LRRC4C: variants seen among roughly 807,000 people sequenced by gnomAD.
LRRC4C encodes the protein leucine rich repeat containing 4C, also known as leucine-rich repeat-containing protein 4C.
A neutral mutation model predicts 33.6 loss-of-function variants in LRRC4C; 5 were observed. The ratio of observed to expected loss-of-function variants is 0.15; its 90% confidence interval spans 0.08 to 0.31. The LOEUF (loss-of-function observed/expected upper bound fraction) is 0.31, where lower values mean the gene tolerates loss of function less well. LRRC4C is among the 10% of genes least tolerant of loss of function. LRRC4C has a pLI of 1.00. For synonymous variants in LRRC4C, 329 were observed against 302.0 expected (o/e 1.09, Z -0.93); for missense variants, 560 against 796.7 (o/e 0.70, Z 3.58).
At chr11:40,141,763 C>A (rs1007091551) in intron 5 of LRRC4C, among the ~76,000 whole-genome samples, 5 of 152,172 alleles carry the variant, frequency 3.3e-5, no homozygotes, top group African/African-American at 1.2e-4. Context: ...CTGACTCCAA[C>A]AAGAAGTTGT....
chr11:40,229,445 G>A (rs1034017649), intron 5 of LRRC4C, among the ~76,000 whole-genome samples: 18 of 151,840 alleles, frequency 1.2e-4, no homozygotes, highest in African/African-American at 4.4e-4. Context: ...GCTAATTTTT[G>A]TATTTTTAGT....
chr11:40,500,985 G>C (rs1954737773), intron 3 of LRRC4C, among the ~76,000 whole-genome samples: 1 of 152,130 alleles, frequency 6.6e-6, no homozygotes, highest in Non-Finnish European at 1.5e-5. Flanking sequence ...ACAGGCATTG[G>C]GTAAATACAG....
intron 3 of LRRC4C, among the ~76,000 whole-genome samples, chr11:40,570,007 A>C (rs2135558083): frequency 6.6e-6 from 1 of 152,072 alleles, no homozygotes; most frequent in South Asian, 2.1e-4. Context: ...CAAAAATAAT[A>C]TATATTTACA....
intron 1 of LRRC4C, among the ~76,000 whole-genome samples, chr11:41,166,337 G>A (rs2136066229): frequency 6.6e-6 from 1 of 152,218 alleles, no homozygotes; most frequent in South Asian, 2.1e-4. Context: ...TTCAGTACAA[G>A]CAAATGCCTG....
rs114537677 is a variant in LRRC4C at position 40,959,215 on chromosome 11, G to T, written c.-495-25492C>A. 6.6e-3 allele frequency among the ~76,000 whole-genome samples: 1,005 copies of T among 151,704 alleles called. 15 individuals are homozygous for T. Among genetic ancestry groups the T allele is most frequent in the African/African-American group, 0.023 (960 of 41,440 alleles). The stretch of plus-strand genomic sequence containing the variant: ...GATTAGGTGAGCTCATTGCAGTTAA[G>T]TATACCATCAATAAAGAAACAGAAC... On this transcript the variant is annotated intron_variant, in intron 1 of 6. Coordinates refer to ENST00000528697, the MANE Select transcript of LRRC4C (RefSeq NM_001258419.2).
chr11:41,244,179 AT>A (rs951919973), intron 1 of LRRC4C, among the ~76,000 whole-genome samples: 45 of 150,992 alleles, frequency 3.0e-4, no homozygotes, highest in Admixed American at 2.7e-3. Context: ...TTCTCTATCT[AT>A]CTATCTATCT....
intron 1 of LRRC4C, among the ~76,000 whole-genome samples, chr11:41,319,444 G>C (rs902901208): frequency 6.6e-6 from 1 of 152,142 alleles, no homozygotes; most frequent in Non-Finnish European, 1.5e-5. Context: ...TCCAGAATGA[G>C]ACAACAAGTT....
chr11:41,304,607 G>A (rs1456645448), intron 1 of LRRC4C, among the ~76,000 whole-genome samples: 3 of 100,440 alleles, frequency 3.0e-5, no homozygotes, highest in Admixed American at 1.0e-4. Context: ...CAGCCGCCCC[G>A]TCTGGGAGGG....
intron 2 of LRRC4C, among the ~76,000 whole-genome samples, chr11:40,806,834 G>A (rs918927587): frequency 6.6e-6 from 1 of 152,042 alleles, no homozygotes; most frequent in African/African-American, 2.4e-5. Context: ...AGGAAGAAAG[G>A]CATATTCCTG....
intron 3 of LRRC4C, among the ~76,000 whole-genome samples, chr11:40,596,351 G>A (rs1350876244): frequency 6.6e-6 from 1 of 151,876 alleles, no homozygotes; most frequent in East Asian, 1.9e-4. Context: ...TATTTATGGA[G>A]TACACATGAC....
rs532429658 is a variant in LRRC4C, at chr11:40,416,828, A to G, written c.-269-97107T>C. 2.6e-5 allele frequency among the ~76,000 whole-genome samples: 4 copies of G among 152,330 alleles called. No homozygotes were observed. In the South Asian group the frequency reaches 8.3e-4, roughly 32 times the overall value. ...AACAGGAACTAGACTGTAAACCCCAATAGGGAAGGAATCTGCTTAATGTGC... is the reference window on the plus strand; with the variant it reads ...AACAGGAACTAGACTGTAAACCCCAGTAGGGAAGGAATCTGCTTAATGTGC... On this transcript the variant is annotated intron_variant, in intron 3 of 6. Coordinates refer to ENST00000528697, the MANE Select transcript of LRRC4C (RefSeq NM_001258419.2).
chr11:41,028,900 G>C (rs1856551909), intron 1 of LRRC4C, among the ~76,000 whole-genome samples: 1 of 151,642 alleles, frequency 6.6e-6, no homozygotes, highest in Admixed American at 6.6e-5. Context: ...TAGAGAAGGT[G>C]TGGAGTAGAC....
chr11:40,214,487 C>T (rs1385570208), intron 5 of LRRC4C, among the ~76,000 whole-genome samples: 1 of 152,084 alleles, frequency 6.6e-6, no homozygotes, highest in Non-Finnish European at 1.5e-5. Flanking sequence ...CCTCAAAATA[C>T]TCCCTAATTC....
At chr11:41,232,508 C>T (rs1473357589) in intron 1 of LRRC4C, among the ~76,000 whole-genome samples, 1 of 151,908 alleles carries the variant, frequency 6.6e-6, no homozygotes, top group Non-Finnish European at 1.5e-5. Context: ...AAATTAGGAA[C>T]CATATTTCAA....
chr11:40,500,875 G>C (rs1954732108), intron 3 of LRRC4C, among the ~76,000 whole-genome samples: 1 of 152,014 alleles, frequency 6.6e-6, no homozygotes, highest in Non-Finnish European at 1.5e-5. Flanking sequence ...TAACTCAAAA[G>C]TTCACAGTCC....
At chr11:40,606,544 A>G (rs1212456522) in intron 3 of LRRC4C, among the ~76,000 whole-genome samples, 1 of 152,138 alleles carries the variant, frequency 6.6e-6, no homozygotes, top group Non-Finnish European at 1.5e-5. Context: ...CCATCAAGAA[A>G]AACAATTCCC....
At chr11:40,500,245 T>C (rs1427682828) in intron 3 of LRRC4C, among the ~76,000 whole-genome samples, 3 of 146,000 alleles carry the variant, frequency 2.1e-5, no homozygotes, top group Non-Finnish European at 3.0e-5. Flanking sequence ...TAAGGTAAAG[T>C]ATCTAGACCA....
At chr11:40,852,482 T>G (rs999338948) in intron 2 of LRRC4C, among the ~76,000 whole-genome samples, 1 of 152,134 alleles carries the variant, frequency 6.6e-6, no homozygotes, top group Non-Finnish European at 1.5e-5. Flanking sequence ...TATTAATATA[T>G]TTAGTAATGT....
intron 1 of LRRC4C, among the ~76,000 whole-genome samples, chr11:41,087,309 A>T (rs910277051): frequency 2.6e-5 from 4 of 152,122 alleles, no homozygotes; most frequent in Admixed American, 6.6e-5. Context: ...TTTACTTAGC[A>T]GTTGGAGTGA....
Sources: gnomAD v4.1 joint callset for allele counts (sites outside exome capture counted in the v4.1 genomes callset) on GRCh38, gnomAD v4.1.1 for gene constraint, MANE v1.5 for transcripts, NCBI Gene and HGNC (gene_info 2026-07-23, HGNC 2026-07-21) for gene names.